Variants in ZSCAN2 observed in about 807,000 individuals in gnomAD.
The protein encoded by ZSCAN2 is zinc finger and SCAN domain containing 2, also known as zinc finger and SCAN domain-containing protein 2.
In ZSCAN2, 26 loss-of-function variants were observed where a neutral mutation model predicts 47.8. The ratio of observed to expected loss-of-function variants is 0.54; its 90% CI spans 0.40 to 0.75. The LOEUF (loss-of-function observed/expected upper bound fraction) is 0.75, where lower values mean the gene tolerates loss of function less well. Ranked by LOEUF, ZSCAN2 falls within the 30% of genes least tolerant of loss-of-function variation. The pLI, the probability that ZSCAN2 is intolerant of heterozygous loss-of-function variation, is 0.00. For synonymous variants in ZSCAN2, 305 were observed against 288.7 expected (o/e 1.06, Z -0.57); for missense variants, 732 against 785.4 (o/e 0.93, Z 0.81).
intron 1 of ZSCAN2, among the ~76,000 whole-genome samples, chr15:84,602,447 C>T (rs1895234616): frequency 6.6e-6 from 1 of 152,108 alleles, no homozygotes; most frequent in African/African-American, 2.4e-5. Flanking sequence ...TATGTTTGCT[C>T]TTGTGCCGCC....
chr15:84,621,436 G>A lies in ZSCAN2; in HGVS notation c.1241G>A (p.Gly414Glu). Residue 414 changes from glycine to glutamate, a missense_variant, in exon 3 of 3, where the codon GGA (glycine) becomes GAA (glutamate). By Grantham distance (98) the Gly-to-Glu change is moderately conservative. This residue lies in a region of ZSCAN2 where 412 missense variants were observed against 498.0 expected (regional missense o/e 0.83). Coordinates refer to ENST00000546148, the MANE Select transcript of ZSCAN2 (RefSeq NM_181877.4). The surrounding 1 kb of genome is among the most constrained non-coding windows in gnomAD (Gnocchi z 5.7). ...ALITHRRTHTGEKPYQCSECG... is the reference protein window; with the variant it reads ...ALITHRRTHTEEKPYQCSECG... The stretch of plus-strand genomic sequence containing the variant: ...ATCACCCACCGGAGAACCCACACAG[G>A]AGAGAAACCCTACCAGTGCAGCGAG... The A allele has an allele frequency of 6.2e-7, 1 of 1,614,132 alleles. No homozygotes were observed. The highest frequency in any genetic ancestry group is 8.5e-7 in the Non-Finnish European group (1 of 1,180,022).
chr15:84,606,137 G>GGAAGA (rs1305770690), intron 2 of ZSCAN2, among the ~76,000 whole-genome samples: 1 of 152,180 alleles, frequency 6.6e-6, no homozygotes, highest in East Asian at 1.9e-4. Context: ...CAGAGGACTG[G>GGAAGA]GAAGAGAAGA....
chr15:84,621,728 C>T lies in ZSCAN2; in HGVS notation c.1533C>T (p.Phe511=), dbSNP rs1488238603. 1 of 1,614,190 alleles carries T rather than the reference C, an allele frequency of 6.2e-7. No homozygotes were observed. The highest frequency in any genetic ancestry group is 1.7e-5 in the Admixed American group (1 of 60,022). The change falls in exon 3 of 3, where the codon TTC becomes TTT. Residue 511 remains phenylalanine (F), a synonymous_variant. Transcript: ENST00000546148. This position sits in a 1 kb window ranked among gnomAD's most constrained non-coding sequence, Gnocchi z 5.7. ...AATGCAGCGAGTGTGGGAAATGCTT[C>T]AGCCAGCGCTCCCAGCTCGTAGTGC... ...PYKCSECGKC[F]SQRSQLVVHQ...
Position 84,604,118 on chromosome 15 carries a change from G to A in ZSCAN2, c.191G>A (p.Gly64Asp). ...TTTCCCCAGAGTGCTGGCAAGGGCG[G>A]CCCCCAGGAGGAGGTGACCAGGGGA... Reference protein sequence around the residue: ...EPFPQSAGKGGPQEEVTRGPQ... With the variant: ...EPFPQSAGKGDPQEEVTRGPQ... Residue 64 changes from glycine (G) to aspartate (D), a missense_variant, in exon 2 of 3, where the codon GGC (glycine) becomes GAC (aspartate). Transcript: ENST00000546148. The A allele has an allele frequency of 6.2e-7, 1 of 1,613,938 alleles. No homozygotes were observed. Among genetic ancestry groups the A allele is most frequent in the Non-Finnish European group, 8.5e-7 (1 of 1,179,944 alleles).
In ZSCAN2 at chr15:84,616,726, G is replaced by A. The variant is rs553464938; in HGVS notation, c.407-3876G>A. On this transcript the variant is annotated intron_variant, in intron 2 of 2. Transcript: ENST00000546148. ...AATTACTAAAATCACCCAAAAAAATGTTTTTGGTCATGTTAGTTTGCTAAA... is the reference window on the plus strand; with the variant it reads ...AATTACTAAAATCACCCAAAAAAATATTTTTGGTCATGTTAGTTTGCTAAA... 2.3e-5 allele frequency: 23 copies of A among 999,970 alleles called. No individual in the cohort carries two copies. The African/African-American group carries it at 4.0e-4, about 17-fold the overall frequency. 61.9% of individuals were successfully genotyped at this position (999,970 alleles called of 1,614,324 possible).
intron 2 of ZSCAN2, among the ~76,000 whole-genome samples, chr15:84,614,006 T>TTTA (rs57369477): frequency 8.6e-6 from 1 of 116,194 alleles, no homozygotes; most frequent in South Asian, 2.7e-4. Context: ...TTTTTTTTTT[T>TTTA]CAGAGACAGA....
At chr15:84,606,416 T>C (rs1222815414) in intron 2 of ZSCAN2, 5 of 820,920 alleles carry the variant, frequency 6.1e-6, no homozygotes, top group Non-Finnish European at 1.0e-5. Context: ...TCTTTCTGCA[T>C]GGAGATCTCA....
chr15:84,620,627 G>A lies in ZSCAN2; in HGVS notation c.432G>A (p.Gly144=). Residue 144 remains glycine, a synonymous_variant, in exon 3 of 3, where the codon GGG becomes GGA. Coordinates refer to ENST00000546148, the MANE Select transcript of ZSCAN2 (RefSeq NM_181877.4). ...DSDFEIQSEN[G]ENCNQDMFEN... ...ATTTTGAGATACAGAGTGAAAATGG[G>A]GAGAACTGTAATCAAGACATGTTTG... The A allele has an allele frequency of 1.2e-6, 2 of 1,607,282 alleles. No individual in the cohort carries two copies. The highest frequency in any genetic ancestry group is 8.5e-7 in the Non-Finnish European group (1 of 1,174,132).
chr15:84,622,407 T>G lies in ZSCAN2; in HGVS notation c.*367T>G. 1.7e-6 allele frequency: 1 copy of G among 586,118 alleles called. No individual in the cohort carries two copies. The highest frequency in any genetic ancestry group is 3.1e-6 in the Non-Finnish European group (1 of 324,654). 36.3% of individuals were successfully genotyped at this position (586,118 alleles called of 1,614,324 possible). A position where few individuals can be genotyped will look rare whatever the true frequency, so the allele number is the denominator to read the frequency against. ...AGCATGGCCCACAACGTGGGCCGAG[T>G]CCTCAGAGAAATACTGGAAATCATT... On this transcript the variant is annotated 3_prime_UTR_variant, in exon 3 of 3. Transcript: ENST00000546148.
chr15:84,619,652 G>A (rs956645921), intron 2 of ZSCAN2, among the ~76,000 whole-genome samples: 1 of 152,148 alleles, frequency 6.6e-6, no homozygotes, highest in African/African-American at 2.4e-5. Flanking sequence ...TTTGAAAGGA[G>A]ACTGAGCTTT....
At chr15:84,603,770 G>C in intron 1 of ZSCAN2, 50 bp from the exon 2 acceptor site, 7 of 854,394 alleles carry the variant, frequency 8.2e-6, no homozygotes, top group Non-Finnish European at 1.2e-5. Context: ...GAGTTAGATT[G>C]CTTTAGGACA....
intron 2 of ZSCAN2, among the ~76,000 whole-genome samples, chr15:84,617,462 A>G (rs538050797): frequency 6.6e-6 from 1 of 151,442 alleles, no homozygotes; most frequent in East Asian, 1.9e-4. Context: ...CAGGAAGTTG[A>G]GGAAACACAG....
At chr15:84,615,173 C>G (rs1205481744) in intron 2 of ZSCAN2, among the ~76,000 whole-genome samples, 1 of 152,252 alleles carries the variant, frequency 6.6e-6, no homozygotes, top group East Asian at 1.9e-4. Flanking sequence ...CCAGGCTGAT[C>G]GTGAACTGCT....
At chr15:84,606,555 G>A in intron 2 of ZSCAN2, 1 of 1,613,968 alleles carries the variant, frequency 6.2e-7, no homozygotes, top group East Asian at 2.2e-5. Flanking sequence ...TTCCCTTCCG[G>A]TGGAGGTGAC....
Position 84,621,564 on chromosome 15 carries a change from C to G in ZSCAN2, c.1369C>G (p.Gln457Glu), listed in dbSNP as rs1454824423. 1 of 1,613,916 alleles carries G rather than the reference C, an allele frequency of 6.2e-7. No homozygotes were observed. The change falls in exon 3 of 3, where the codon CAG (glutamine) becomes GAG (glutamate). Residue 457 changes from glutamine (Q) to glutamate (E), a missense_variant. Transcript: ENST00000546148. The surrounding 1 kb of genome is among the most constrained non-coding windows in gnomAD (Gnocchi z 5.7). ...TGGGGTGTGTGGGAAGAGCTTCAGC[C>G]AGAGCTCCAGTCTGATTGCACACCA... ...KCGVCGKSFSQSSSLIAHQGM... is the reference protein window; with the variant it reads ...KCGVCGKSFSESSSLIAHQGM...
In ZSCAN2 at chr15:84,621,369, T is replaced by C. The variant is rs746489711; in HGVS notation, c.1174T>C (p.Cys392Arg). 6.2e-7 allele frequency: 1 copy of C among 1,613,918 alleles called. No individual in the cohort carries two copies. The highest frequency in any genetic ancestry group is 8.5e-7 in the Non-Finnish European group (1 of 1,179,978). The change falls in exon 3 of 3, where the codon TGT (cysteine) becomes CGT (arginine). Residue 392 changes from cysteine to arginine, a missense_variant. This residue lies in a region of ZSCAN2 where 412 missense variants were observed against 498.0 expected (regional missense o/e 0.83). Coordinates refer to ENST00000546148, the MANE Select transcript of ZSCAN2 (RefSeq NM_181877.4). This position sits in a 1 kb window ranked among gnomAD's most constrained non-coding sequence, Gnocchi z 5.7. ...RIHTGEKPYK[C>R]TDCGQRFSQS... ...CCACACAGGAGAGAAACCCTACAAA[T>C]GTACCGACTGTGGGCAGAGGTTCAG... is the stretch of plus-strand genomic sequence containing the variant.
Position 84,622,306 on chromosome 15 carries a change from T to C in ZSCAN2, c.*266T>C. 1.7e-6 allele frequency: 1 copy of C among 575,060 alleles called. No homozygotes were observed. Among genetic ancestry groups the C allele is most frequent in the South Asian group, 2.3e-5 (1 of 42,754 alleles). 35.6% of individuals were successfully genotyped at this position (575,060 alleles called of 1,614,324 possible). A position where few individuals can be genotyped will look rare whatever the true frequency, so the allele number is the denominator to read the frequency against. On this transcript the variant is annotated 3_prime_UTR_variant, in exon 3 of 3. Transcript: ENST00000546148. ...ACATTGGGTGACTTGATTGGCCCCC[T>C]CTCATGATTCCTCTGTGCCTCAGTT...
chr15:84,604,354 G>A, intron 2 of ZSCAN2, 21 bp downstream of exon 2: 1 of 1,578,480 alleles, frequency 6.3e-7, no homozygotes, highest in Non-Finnish European at 8.6e-7. Flanking sequence ...GAACCTCATA[G>A]GGAGAGGGCG....
chr15:84,619,254 A>G (rs1406401399), intron 2 of ZSCAN2, among the ~76,000 whole-genome samples: 1 of 151,874 alleles, frequency 6.6e-6, no homozygotes, highest in African/African-American at 2.4e-5. Context: ...ACATGGTGAA[A>G]CCCCGTCTCT....
Sources: gnomAD v4.1 joint callset for allele counts (sites outside exome capture counted in the v4.1 genomes callset) on GRCh38, gnomAD v4.1.1 for gene constraint, gnomAD v4.1.1 regional missense constraint, Gnocchi (gnomAD v3.1) non-coding constraint, MANE v1.5 for transcripts, NCBI Gene and HGNC (gene_info 2026-07-23, HGNC 2026-07-21) for gene names.